ZNF74: variants seen among roughly 807,000 people sequenced by gnomAD.
The protein encoded by ZNF74 is zinc finger protein 74, also known as zinc finger protein 520.
A neutral mutation model predicts 17.7 loss-of-function variants in ZNF74; 12 were observed. The ratio of observed to expected loss-of-function variants is 0.68; its 90% CI spans 0.43 to 1.10. ZNF74 has a LOEUF of 1.10. ZNF74 is among the 50% of genes least tolerant of loss of function. The pLI, the probability that ZNF74 is intolerant of heterozygous loss-of-function variation, is 0.00. For synonymous variants in ZNF74, 358 were observed against 362.1 expected (o/e 0.99, Z 0.13); for missense variants, 811 against 881.0 (o/e 0.92, Z 1.01).
rs2084432045 is a variant in ZNF74 at position 20,397,844 on chromosome 22, AG to A, written c.120+2429del. The stretch of plus-strand genomic sequence containing the variant: ...AGAAATCTGAAATCAAGGTGTCAGC[AG>A]GGTTGATTTCTTCTGAGGCTTCTCC... On this transcript the variant is annotated intron_variant, in intron 2 of 4. Coordinates refer to ENST00000400451, the MANE Select transcript of ZNF74 (RefSeq NM_003426.4). Among the ~76,000 whole-genome samples the A allele has an allele frequency of 7.9e-5, 12 of 152,264 alleles. No homozygotes were observed. In the South Asian group the frequency reaches 2.5e-3, roughly 32 times the overall value.
Position 20,406,076 on chromosome 22 carries a change from G to T in ZNF74, c.1043G>T (p.Ser348Ile). Residue 348 changes from serine (S) to isoleucine (I), a missense_variant, in exon 5 of 5, where the codon AGC (serine) becomes ATC (isoleucine). Coordinates refer to ENST00000400451, the MANE Select transcript of ZNF74 (RefSeq NM_003426.4). ...EKAFSCSSLL[S>I]MHLRVHTGEK... ...GCCTTCAGCTGCAGCTCGCTGCTCA[G>T]CATGCACCTGCGGGTGCACACCGGC... 1 of 1,608,700 alleles carries T rather than the reference G, an allele frequency of 6.2e-7. No individual in the cohort carries two copies. The highest frequency in any genetic ancestry group is 2.2e-5 in the East Asian group (1 of 44,542).
In ZNF74 at chr22:20,401,524, C is replaced by T. The variant is rs1021758201; in HGVS notation, c.343+152C>T. The T allele has an allele frequency of 1.1e-5, 7 of 630,134 alleles. No individual in the cohort carries two copies. Among genetic ancestry groups the T allele is most frequent in the East Asian group, 2.7e-5 (1 of 36,526 alleles). The allele number at this position is 630,134 out of a possible 1,614,324, so 39.0% of individuals were successfully genotyped here. Reference sequence around the variant, plus strand: ...CCCTCCTGCCTGCCTCCCTTCAGCACGTACTGAGCACTGCCTGTGTGCTGA... The same window carrying T: ...CCCTCCTGCCTGCCTCCCTTCAGCATGTACTGAGCACTGCCTGTGTGCTGA... On this transcript the variant is annotated intron_variant, in intron 4 of 4. Coordinates refer to ENST00000400451, the MANE Select transcript of ZNF74 (RefSeq NM_003426.4). This position sits in a 1 kb window ranked among gnomAD's most constrained non-coding sequence, Gnocchi z 4.2.
Position 20,406,079 on chromosome 22 carries a change from T to C in ZNF74, c.1046T>C (p.Met349Thr), listed in dbSNP as rs778615557. 7 of 1,611,512 alleles carry C rather than the reference T, an allele frequency of 4.3e-6. No individual in the cohort carries two copies. Among genetic ancestry groups the C allele is most frequent in the Non-Finnish European group, 5.1e-6 (6 of 1,179,330 alleles). ...KAFSCSSLLS[M>T]HLRVHTGEKP... is the part of the protein sequence containing the mutation. Reference sequence around the variant, plus strand: ...TTCAGCTGCAGCTCGCTGCTCAGCATGCACCTGCGGGTGCACACCGGCGAG... The same window carrying C: ...TTCAGCTGCAGCTCGCTGCTCAGCACGCACCTGCGGGTGCACACCGGCGAG... The change falls in exon 5 of 5, where the codon ATG (methionine) becomes ACG (threonine). Residue 349 changes from methionine to threonine, a missense_variant. Met to Thr is a moderately conservative substitution (Grantham distance 81). Transcript: ENST00000400451.
intron 4 of ZNF74, among the ~76,000 whole-genome samples, chr22:20,404,856 C>T (rs1317073741): frequency 6.6e-6 from 1 of 152,176 alleles, no homozygotes; most frequent in Admixed American, 6.5e-5. Context: ...CGGAGAATGG[C>T]GTGAACCTGG....
At position 20,406,541 on chromosome 22, in the gene ZNF74, G is replaced by A. The variant is rs2052431854; in HGVS notation, c.1508G>A (p.Ser503Asn). ...ACAGGCGAGAAGCCCTTCGACTGCA[G>A]CCAGTGTTGGAAGGCCTTCAGCTGC... ...IHTGEKPFDC[S>N]QCWKAFSCHS... Residue 503 changes from serine (S) to asparagine (N), a missense_variant, in exon 5 of 5, where the codon AGC becomes AAC. Transcript: ENST00000400451. 1.9e-6 allele frequency: 3 copies of A among 1,613,838 alleles called. No individual in the cohort carries two copies. The highest frequency in any genetic ancestry group is 2.5e-6 in the Non-Finnish European group (3 of 1,179,948).
Position 20,406,115 on chromosome 22 carries a change from G to T in ZNF74, c.1082G>T (p.Arg361Leu), listed in dbSNP as rs776816167. The T allele has an allele frequency of 3.1e-5, 49 of 1,595,306 alleles. No homozygotes were observed. Among genetic ancestry groups the T allele is most frequent in the Non-Finnish European group, 3.7e-5 (43 of 1,173,892 alleles). The change falls in exon 5 of 5, where the codon CGG becomes CTG. Residue 361 changes from arginine (R) to leucine (L), a missense_variant. By Grantham distance (102) the Arg-to-Leu change is moderately radical. Transcript: ENST00000400451. ...GTGCACACCGGCGAGAAGCCCTACC[G>T]GTGCGGCGAGTGCGGCAAGGCCTTC... ...LRVHTGEKPY[R>L]CGECGKAFNQ...
At chr22:20,403,020 C>T (rs1489315698) in intron 4 of ZNF74, among the ~76,000 whole-genome samples, 2 of 152,126 alleles carry the variant, frequency 1.3e-5, no homozygotes, top group Non-Finnish European at 2.9e-5. Flanking sequence ...GCACAGCACT[C>T]ACGCCGGAGT....
Position 20,401,034 on chromosome 22 carries a change from C to T in ZNF74, c.248-243C>T. 1.7e-6 allele frequency: 1 copy of T among 593,500 alleles called. No individual in the cohort carries two copies. The highest frequency in any genetic ancestry group is 3.0e-6 in the Non-Finnish European group (1 of 334,918). 36.8% of individuals were successfully genotyped at this position (593,500 alleles called of 1,614,324 possible). ...GAGAAGAAGGTGGGACCCTGGAGCC[C>T]AGCTGGCTCTGGAACAGTCCTCAAG... On this transcript the variant is annotated intron_variant, in intron 3 of 4. Coordinates refer to ENST00000400451, the MANE Select transcript of ZNF74 (RefSeq NM_003426.4). This position sits in a 1 kb window ranked among gnomAD's most constrained non-coding sequence, Gnocchi z 4.2.
chr22:20,406,544 A>C lies in ZNF74; in HGVS notation c.1511A>C (p.Gln504Pro). The C allele has an allele frequency of 6.2e-7, 1 of 1,614,018 alleles. No homozygotes were observed. Among genetic ancestry groups the C allele is most frequent in the Non-Finnish European group, 8.5e-7 (1 of 1,179,980 alleles). Reference sequence around the variant, plus strand: ...GGCGAGAAGCCCTTCGACTGCAGCCAGTGTTGGAAGGCCTTCAGCTGCCAC... The same window carrying C: ...GGCGAGAAGCCCTTCGACTGCAGCCCGTGTTGGAAGGCCTTCAGCTGCCAC... ...HTGEKPFDCSQCWKAFSCHSS... is the reference protein window; with the variant it reads ...HTGEKPFDCSPCWKAFSCHSS... The change falls in exon 5 of 5, where the codon CAG (glutamine) becomes CCG (proline). Residue 504 changes from glutamine (Q) to proline (P), a missense_variant. Transcript: ENST00000400451.
In ZNF74 at chr22:20,405,653, C is replaced by T. The variant is rs1444996838; in HGVS notation, c.620C>T (p.Thr207Ile). The T allele has an allele frequency of 1.2e-6, 2 of 1,612,566 alleles. No homozygotes were observed. Among genetic ancestry groups the T allele is most frequent in the East Asian group, 4.5e-5 (2 of 44,810 alleles). Reference protein sequence around the residue: ...LLDTRKNVQATEGRTKAPARL... With the variant: ...LLDTRKNVQAIEGRTKAPARL... ...GACACACGCAAGAACGTCCAGGCCA[C>T]TGAGGGCAGAACCAAGGCCCCCGCG... Residue 207 changes from threonine to isoleucine, a missense_variant, in exon 5 of 5, where the codon ACT (threonine) becomes ATT (isoleucine). Coordinates refer to ENST00000400451, the MANE Select transcript of ZNF74 (RefSeq NM_003426.4).
At chr22:20,403,026 G>A (rs1314996742) in intron 4 of ZNF74, among the ~76,000 whole-genome samples, 3 of 152,084 alleles carry the variant, frequency 2.0e-5, no homozygotes, top group Non-Finnish European at 2.9e-5. Context: ...CACTCACGCC[G>A]GAGTCTGGCT....
rs192492853 is a variant in ZNF74 at position 20,401,776 on chromosome 22, G to A, written c.343+404G>A. 8.5e-5 allele frequency among the ~76,000 whole-genome samples: 13 copies of A among 152,182 alleles called. No homozygotes were observed. In the East Asian group the frequency reaches 2.3e-3, roughly 27 times the overall value. On this transcript the variant is annotated intron_variant, in intron 4 of 4. Transcript: ENST00000400451. This position sits in a 1 kb window ranked among gnomAD's most constrained non-coding sequence, Gnocchi z 4.2. ...CATCAGGGCCAGCGTCAGCGTCAGG[G>A]TCAGAGCCAGCATCAGTGTCAGGGC...
intron 4 of ZNF74, among the ~76,000 whole-genome samples, chr22:20,403,632 A>G (rs534052760): frequency 2.7e-4 from 41 of 152,154 alleles, no homozygotes; most frequent in African/African-American, 6.3e-4. Context: ...TGCCAGGCAC[A>G]GGGACTCACA....
chr22:20,397,240 T>A (rs532118494), intron 2 of ZNF74, among the ~76,000 whole-genome samples: 2 of 152,242 alleles, frequency 1.3e-5, no homozygotes, highest in South Asian at 4.1e-4. Flanking sequence ...CACACCTGGC[T>A]TGGAGCCTTG....
At position 20,406,032 on chromosome 22, in the gene ZNF74, G is replaced by C; in HGVS notation, c.999G>C (p.Lys333Asn). 6.2e-7 allele frequency: 1 copy of C among 1,613,492 alleles called. No individual in the cohort carries two copies. Among genetic ancestry groups the C allele is most frequent in the Non-Finnish European group, 8.5e-7 (1 of 1,179,818 alleles). The change falls in exon 5 of 5, where the codon AAG becomes AAC. Residue 333 changes from lysine to asparagine, a missense_variant. Physicochemically the swap from Lys to Asn is moderately conservative, Grantham distance 94. Transcript: ENST00000400451. ...QRIHTGERPY[K>N]CSACEKAFSC... ...TCCACACGGGCGAGCGGCCCTACAA[G>C]TGCAGCGCCTGCGAGAAGGCCTTCA... is the stretch of plus-strand genomic sequence containing the variant.
At chr22:20,404,709 C>G (rs1285058974) in intron 4 of ZNF74, among the ~76,000 whole-genome samples, 1 of 152,134 alleles carries the variant, frequency 6.6e-6, no homozygotes, top group African/African-American at 2.4e-5. Flanking sequence ...TTGCATGCGT[C>G]TCGAGACAGA....
Position 20,400,767 on chromosome 22 carries a change from C to T in ZNF74, c.247+9C>T. Reference sequence around the variant, plus strand: ...GAACCTTCTTGCCCTAGGTAAAATCCCCCCAGCCCCAGGCTGGGCGTCGGC... The same window carrying T: ...GAACCTTCTTGCCCTAGGTAAAATCTCCCCAGCCCCAGGCTGGGCGTCGGC... On this transcript the variant is annotated intron_variant, in intron 3 of 4. Coordinates refer to ENST00000400451, the MANE Select transcript of ZNF74 (RefSeq NM_003426.4). 6.2e-7 allele frequency: 1 copy of T among 1,613,632 alleles called. No individual in the cohort carries two copies.
At chr22:20,402,803 A>AC (rs2052373742) in intron 4 of ZNF74, among the ~76,000 whole-genome samples, 1 of 35,100 alleles carries the variant, frequency 2.8e-5, no homozygotes, top group South Asian at 8.8e-4. Context: ...TTCCATCTCA[A>AC]AAAAAAAAAA....
intron 2 of ZNF74, chr22:20,399,885 T>C (rs1179925114): frequency 6.4e-6 from 1 of 157,246 alleles, no homozygotes; most frequent in Non-Finnish European, 1.4e-5. Flanking sequence ...TTTCACCTTT[T>C]AGTTATTTGA....
Sources: allele counts gnomAD v4.1 joint callset (sites outside exome capture counted in the v4.1 genomes callset), GRCh38; gene constraint gnomAD v4.1.1; non-coding constraint Gnocchi (gnomAD v3.1); transcripts MANE v1.5; gene names NCBI Gene and HGNC (gene_info 2026-07-23, HGNC 2026-07-21).